Variants in WDR49 observed in about 807,000 individuals in gnomAD.
The protein encoded by WDR49 is cilia- and flagella-associated protein 337.
A neutral mutation model predicts 119.5 loss-of-function variants in WDR49; 107 were observed. The observed-to-expected ratio is 0.90, with a 90% CI of 0.77 to 1.05. WDR49 has a LOEUF of 1.05. Ranked by LOEUF, WDR49 falls within the 50% of genes least tolerant of loss-of-function variation. WDR49 has a pLI of 0.00. For synonymous variants in WDR49, 425 were observed against 418.8 expected (o/e 1.01, Z -0.18); for missense variants, 1,240 against 1,220.5 (o/e 1.02, Z -0.24).
chr3:167,498,780 G>A (rs1751453226), intron 18 of WDR49, among the ~76,000 whole-genome samples: 1 of 152,072 alleles, frequency 6.6e-6, no homozygotes, highest in Admixed American at 6.5e-5. Flanking sequence ...CTAGAGAGGG[G>A]GTTCAATACA....
chr3:167,560,271 G>A (rs1368792124), intron 8 of WDR49, 43 bp from the exon 9 acceptor site: 1 of 1,560,804 alleles, frequency 6.4e-7, no homozygotes, highest in South Asian at 1.2e-5. Context: ...TATAGTCTCA[G>A]AATCAACCAT....
intron 14 of WDR49, among the ~76,000 whole-genome samples, chr3:167,528,477 T>C (rs1183500182): frequency 6.6e-6 from 1 of 151,722 alleles, no homozygotes; most frequent in Non-Finnish European, 1.5e-5. Context: ...AGATAAGGTG[T>C]AGCCTCACCC....
At chr3:167,601,427 A>C (rs1369774498) in intron 7 of WDR49, among the ~76,000 whole-genome samples, 1 of 152,174 alleles carries the variant, frequency 6.6e-6, no homozygotes, top group Non-Finnish European at 1.5e-5. Flanking sequence ...TCCTCTTCAT[A>C]ACCAACTATC....
chr3:167,559,805 GGC>G (rs1468829816), intron 9 of WDR49, among the ~76,000 whole-genome samples: 1 of 152,084 alleles, frequency 6.6e-6, no homozygotes, highest in East Asian at 1.9e-4. Context: ...CTGAAAAGGG[GGC>G]TTTCTGAAAT....
At chr3:167,616,967 C>G (rs1206051165) in intron 5 of WDR49, among the ~76,000 whole-genome samples, 3 of 152,144 alleles carry the variant, frequency 2.0e-5, no homozygotes, top group Middle Eastern at 3.4e-3. Flanking sequence ...TTCAAATTTC[C>G]TTCTAGGCTT....
intron 16 of WDR49, among the ~76,000 whole-genome samples, chr3:167,507,173 G>A (rs144651430): frequency 3.9e-5 from 6 of 152,180 alleles, no homozygotes; most frequent in African/African-American, 1.2e-4. Context: ...GGATGGGGGG[G>A]TAGTTAATCA....
intron 8 of WDR49, among the ~76,000 whole-genome samples, chr3:167,568,069 C>T (rs1169975207): frequency 6.6e-6 from 1 of 152,164 alleles, no homozygotes; most frequent in African/African-American, 2.4e-5. Context: ...AATCCTGATG[C>T]TTGCTTCTCT....
chr3:167,657,286 C>A (rs1432457694), upstream of WDR49, among the ~76,000 whole-genome samples: 2 of 152,212 alleles, frequency 1.3e-5, no homozygotes, highest in East Asian at 3.9e-4. Flanking sequence ...GGATAGGAAT[C>A]CATTCCTTAT....
At position 167,522,427 on chromosome 3, in the gene WDR49, C is replaced by T. The variant is rs202225646; in HGVS notation, c.2662G>A (p.Val888Met). ...LFLPKRDTNL[V>M]ESEIQKEISL... Reference sequence around the variant, plus strand: ...ATTTCCTTTTGAATCTCACTTTCCACTAAATTAGTATCTCTTTTAGGAAGG... The same window carrying T: ...ATTTCCTTTTGAATCTCACTTTCCATTAAATTAGTATCTCTTTTAGGAAGG... Residue 888 changes from valine (V) to methionine (M), a missense_variant, in exon 16 of 19, where the codon GTG (valine) becomes ATG (methionine). Transcript: ENST00000682715. 503 of 1,611,258 alleles carry T rather than the reference C, an allele frequency of 3.1e-4. No homozygotes were observed. Among genetic ancestry groups the T allele is most frequent in the Admixed American group, 4.2e-4 (25 of 59,406 alleles).
rs77715959 is a variant in WDR49 at position 167,630,142 on chromosome 3, C to T, written c.166-2850G>A. ...ATCTTTCATGAAAGGAAGAATCCAT[C>T]AATGTGGGAAACTTCACTGTTATCT... On this transcript the variant is annotated intron_variant, in intron 2 of 18. Coordinates refer to ENST00000682715, the MANE Select transcript of WDR49 (RefSeq NM_001366157.1). Among the ~76,000 whole-genome samples the T allele has an allele frequency of 2.2e-3, 331 of 152,158 alleles. 1 individual carries two copies. Among genetic ancestry groups the T allele is most frequent in the African/African-American group, 7.7e-3 (321 of 41,556 alleles).
chr3:167,523,353 A>T (rs1324916857), intron 15 of WDR49, among the ~76,000 whole-genome samples: 1 of 151,898 alleles, frequency 6.6e-6, no homozygotes, highest in Non-Finnish European at 1.5e-5. Context: ...CATAAAAGCC[A>T]TAGTTACTCT....
chr3:167,619,278 T>C (rs1357079905), intron 5 of WDR49, among the ~76,000 whole-genome samples: 1 of 152,100 alleles, frequency 6.6e-6, no homozygotes, highest in Non-Finnish European at 1.5e-5. Context: ...TCAGAAGAAG[T>C]TGAAATACCT....
intron 13 of WDR49, 129 bp from the exon 14 acceptor site, chr3:167,529,368 C>T: frequency 1.4e-6 from 1 of 740,118 alleles, no homozygotes; most frequent in Non-Finnish European, 2.1e-6. Flanking sequence ...CAATTCCCAG[C>T]ACCACTTTAA....
chr3:167,647,916 A>T (rs1477859446), intron 2 of WDR49, among the ~76,000 whole-genome samples: 3 of 152,168 alleles, frequency 2.0e-5, no homozygotes, highest in African/African-American at 7.2e-5. Context: ...TTTGCTGATT[A>T]TGCGTTAGTT....
At chr3:167,483,537 G>T (rs551902561) in intron 18 of WDR49, among the ~76,000 whole-genome samples, 10 of 152,124 alleles carry the variant, frequency 6.6e-5, no homozygotes, top group African/African-American at 2.4e-4. Flanking sequence ...ATATGCAGGG[G>T]TGGATCCCTG....
chr3:167,524,318 T>C (rs1752559153), intron 15 of WDR49, among the ~76,000 whole-genome samples: 1 of 152,182 alleles, frequency 6.6e-6, no homozygotes, highest in Non-Finnish European at 1.5e-5. Context: ...GATAGATAGA[T>C]TGATTGATTG....
intron 10 of WDR49, among the ~76,000 whole-genome samples, chr3:167,554,185 G>A (rs1037924222): frequency 6.6e-6 from 1 of 152,076 alleles, no homozygotes; most frequent in African/African-American, 2.4e-5. Flanking sequence ...AATGCTCCTC[G>A]AGAAGAGTAA....
In WDR49 at chr3:167,635,327, C is replaced by A. The variant is rs116042639; in HGVS notation, c.166-8035G>T. Among the ~76,000 whole-genome samples the A allele has an allele frequency of 5.1e-3, 767 of 151,798 alleles. 5 individuals are homozygous for A. Among genetic ancestry groups the A allele is most frequent in the African/African-American group, 0.018 (738 of 41,500 alleles). On this transcript the variant is annotated intron_variant, in intron 2 of 18. Coordinates refer to ENST00000682715, the MANE Select transcript of WDR49 (RefSeq NM_001366157.1). ...AGTAGGAGGTTGCCTGTACTCAAGA[C>A]CCTAATAAAGGTGGGGTATTATTCT...
At chr3:167,591,372 G>T (rs1715097047) in intron 7 of WDR49, among the ~76,000 whole-genome samples, 1 of 152,018 alleles carries the variant, frequency 6.6e-6, no homozygotes, top group Admixed American at 6.6e-5. Context: ...AAAAGATTTT[G>T]TATTCTTCAG....
Sources: gnomAD v4.1 joint callset for allele counts (sites outside exome capture counted in the v4.1 genomes callset) on GRCh38, gnomAD v4.1.1 for gene constraint, MANE v1.5 for transcripts, NCBI Gene and HGNC (gene_info 2026-07-23, HGNC 2026-07-21) for gene names.